Variants in GIT2 observed in about 807,000 individuals in gnomAD.
GIT2 encodes the protein ARF GTPase-activating protein GIT2.
A neutral mutation model predicts 100.3 loss-of-function variants in GIT2; 32 were observed. The observed-to-expected ratio is 0.32, with a 90% CI of 0.24 to 0.43. The LOEUF is 0.43. Ranked by LOEUF, GIT2 falls within the 20% of genes least tolerant of loss-of-function variation. The pLI is 1.00. For synonymous variants in GIT2, 353 were observed against 364.1 expected, an observed-to-expected ratio of 0.97 and a Z score of 0.35; for missense variants, 737 against 975.1, an observed-to-expected ratio of 0.76 and a Z score of 3.25.
chr12:109,972,002 G>GA lies in GIT2; in HGVS notation c.719-4500dup, dbSNP rs541168935. ...GAGCAAGACTATCTCAAAAAAAAGGGAAAAAAAAATATATATATATATATG... is the reference window on the plus strand; with the variant it reads ...GAGCAAGACTATCTCAAAAAAAAGGGAAAAAAAAAATATATATATATATATG... On this transcript the variant is annotated intron_variant, in intron 7 of 19. Transcript: ENST00000355312. 2.0e-3 allele frequency among the ~76,000 whole-genome samples: 276 copies of GA among 136,360 alleles called. 1 individual carries two copies. Among genetic ancestry groups the GA allele is most frequent in the South Asian group, 8.7e-3 (39 of 4,462 alleles). 89.5% of individuals were successfully genotyped at this position (136,360 alleles called of 152,430 possible). A position where few individuals can be genotyped will look rare whatever the true frequency, so the allele number is the denominator to read the frequency against.
At chr12:109,998,793 A>T (rs1018832558), upstream of GIT2, 2 of 152,118 alleles carry the variant, frequency 1.3e-5, no homozygotes, top group African/African-American at 4.8e-5. Flanking sequence ...ACATTTGGCA[A>T]TATCTGGAGA....
At position 109,983,624 on chromosome 12, in the gene GIT2, G is replaced by C. The variant is rs774272674; in HGVS notation, c.476C>G (p.Ala159Gly). Reference sequence around the variant, plus strand: ...TTTTCTTACAGGATGAAAGAAGTTGGCTTGTGCTCCTAAAGATAACAGTCT... The same window carrying C: ...TTTTCTTACAGGATGAAAGAAGTTGCCTTGTGCTCCTAAAGATAACAGTCT... ...CLRLLSLGAQANFFHPEKGNT... is the reference protein window; with the variant it reads ...CLRLLSLGAQGNFFHPEKGNT... Residue 159 changes from alanine (A) to glycine (G), a missense_variant, in exon 5 of 20, where the codon GCC (alanine) becomes GGC (glycine). Ala to Gly is a moderately conservative substitution (Grantham distance 60). Coordinates refer to ENST00000355312, the MANE Select transcript of GIT2 (RefSeq NM_057169.5). 13 of 1,610,702 alleles carry C rather than the reference G, an allele frequency of 8.1e-6. No individual in the cohort carries two copies. The highest frequency in any genetic ancestry group is 2.5e-6 in the Non-Finnish European group (3 of 1,177,074).
chr12:109,985,965 T>C (rs1887298644), intron 4 of GIT2, among the ~76,000 whole-genome samples: 2 of 151,216 alleles, frequency 1.3e-5, no homozygotes, highest in South Asian at 2.1e-4. Context: ...CTAGGGAGGT[T>C]GAGGGTGCAG....
chr12:109,996,394 T>G (rs1318970573), upstream of GIT2: 1 of 541,014 alleles, frequency 1.8e-6, no homozygotes, highest in East Asian at 3.4e-5. Flanking sequence ...GGAGGTGCCC[T>G]TCGGCGAGTG....
intron 16 of GIT2, chr12:109,942,709 A>G (rs1207458111): frequency 2.0e-5 from 3 of 152,240 alleles, no homozygotes; most frequent in African/African-American, 7.2e-5. Flanking sequence ...CTCAATGATG[A>G]AAAGTACCAA....
At chr12:109,985,215 A>T (rs138079846) in intron 4 of GIT2, among the ~76,000 whole-genome samples, 81 of 152,074 alleles carry the variant, frequency 5.3e-4, no homozygotes, top group African/African-American at 1.8e-3. Context: ...CAACCCTTCC[A>T]CCTCAGCCTC....
chr12:109,984,374 T>C (rs1439147527), intron 4 of GIT2, among the ~76,000 whole-genome samples: 1 of 150,926 alleles, frequency 6.6e-6, no homozygotes, highest in African/African-American at 2.4e-5. Flanking sequence ...ATCATGCCAC[T>C]GCACTCCAGC....
At chr12:109,938,806 T>C in intron 17 of GIT2, 1 of 520,428 alleles carries the variant, frequency 1.9e-6, no homozygotes, top group South Asian at 2.9e-5. Context: ...GGGAGGGAAA[T>C]ACCTGGAGCG....
chr12:109,983,326 C>G, intron 6 of GIT2, 47 bp downstream of exon 6: 4 of 1,587,546 alleles, frequency 2.5e-6, no homozygotes, highest in Non-Finnish European at 3.4e-6. Flanking sequence ...GAATCACACC[C>G]AACAAAAAAA....
At chr12:109,957,658 C>G (rs1033404016) in intron 12 of GIT2, among the ~76,000 whole-genome samples, 2 of 151,858 alleles carry the variant, frequency 1.3e-5, no homozygotes. Context: ...AGGCGTCTGC[C>G]ACCATGCCCA....
chr12:109,991,498 T>A (rs1888394646), intron 2 of GIT2, 129 bp downstream of exon 2: 7 of 696,970 alleles, frequency 1.0e-5, no homozygotes, highest in Non-Finnish European at 1.8e-5. Context: ...TTGATGGGCA[T>A]GCCATCTCTA....
rs73419536 is a variant in GIT2, at chr12:109,935,294, A to G, written c.2004-1209T>C. On this transcript the variant is annotated intron_variant, in intron 18 of 19. Coordinates refer to ENST00000355312, the MANE Select transcript of GIT2 (RefSeq NM_057169.5). ...CAACCTATCTGGTCACACAGATTTC[A>G]GAAAGAGAAAAAAGCAATGTCCACA... 2.7e-3 allele frequency among the ~76,000 whole-genome samples: 410 copies of G among 152,370 alleles called. 2 individuals carry two copies. The highest frequency in any genetic ancestry group is 9.5e-3 in the African/African-American group (393 of 41,584).
intron 1 of GIT2, among the ~76,000 whole-genome samples, chr12:109,995,298 A>G (rs1889135515): frequency 6.6e-6 from 1 of 152,226 alleles, no homozygotes; most frequent in Admixed American, 6.5e-5. Context: ...TAGCGTTTCA[A>G]TGCCCCTATA....
chr12:109,974,533 A>C (rs918095497), intron 7 of GIT2, among the ~76,000 whole-genome samples: 2 of 152,226 alleles, frequency 1.3e-5, no homozygotes, highest in Non-Finnish European at 2.9e-5. Context: ...TTCCAAAAAA[A>C]AGCAGCATGT....
chr12:109,999,532 C>T, upstream of GIT2: 2 of 422,402 alleles, frequency 4.7e-6, no homozygotes, highest in Non-Finnish European at 7.6e-6. This position sits in a 1 kb window ranked among gnomAD's most constrained non-coding sequence, Gnocchi z 4.3. Context: ...CCGGACCTCC[C>T]GCGCGCCCCG....
At chr12:109,975,468 C>T (rs1478871431) in intron 7 of GIT2, among the ~76,000 whole-genome samples, 1 of 152,156 alleles carries the variant, frequency 6.6e-6, no homozygotes, top group African/African-American at 2.4e-5. Flanking sequence ...TTGCTTCAGG[C>T]TCCCTGAAGT....
rs1876907983 is a variant in GIT2 at position 109,948,384 on chromosome 12, A to G, written c.1393-880T>C. The G allele has an allele frequency of 2.0e-6, 2 of 994,510 alleles. No individual in the cohort carries two copies. Among genetic ancestry groups the G allele is most frequent in the East Asian group, 2.2e-4 (2 of 9,202 alleles). The allele number at this position is 994,510 out of a possible 1,614,324, so 61.6% of individuals were successfully genotyped here. ...TGAACATGCTAATCTGCCTGGCACC[A>G]CCCCATTTTAGAGACTGTCACTTGG... On this transcript the variant is annotated intron_variant, in intron 14 of 19. Coordinates refer to ENST00000355312, the MANE Select transcript of GIT2 (RefSeq NM_057169.5). This position sits in a 1 kb window ranked among gnomAD's most constrained non-coding sequence, Gnocchi z 4.3.
rs1876841570 is a variant in GIT2, at chr12:109,948,139, AAAG to A, written c.1393-638_1393-636del. ...AGCACTTTGTAAAAAAAAAAAGAAA[AAAG>A]AGAAAACCGGATCATGGTAAGTTTG... On this transcript the variant is annotated intron_variant, in intron 14 of 19. Transcript: ENST00000355312. The surrounding 1 kb of genome is among the most constrained non-coding windows in gnomAD (Gnocchi z 4.3). 1 of 966,546 alleles carries A rather than the reference AAAG, an allele frequency of 1.0e-6. No individual in the cohort carries two copies. Among genetic ancestry groups the A allele is most frequent in the Non-Finnish European group, 1.2e-6 (1 of 812,856 alleles). The allele number at this position is 966,546 out of a possible 1,614,324, so 59.9% of individuals were successfully genotyped here. A position where few individuals can be genotyped will look rare whatever the true frequency, so the allele number is the denominator to read the frequency against.
Position 109,988,998 on chromosome 12 carries a change from C to T in GIT2, c.370G>A (p.Asp124Asn). 1 of 1,612,002 alleles carries T rather than the reference C, an allele frequency of 6.2e-7. No individual in the cohort carries two copies. Residue 124 changes from aspartate (D) to asparagine (N), a missense_variant, in exon 4 of 20, where the codon GAT (aspartate) becomes AAT (asparagine). Physicochemically the swap from Asp to Asn is conservative, Grantham distance 23. Around this residue, in one of 3 missense-constraint regions of GIT2, gnomAD observed 266 missense variants for 376.2 expected, o/e 0.71. Transcript: ENST00000355312. ...LAFVHRLPCR[D>N]DDSVTAKDLS... is the part of the protein sequence containing the mutation. ...TCTTTGGCAGTCACACTATCGTCAT[C>T]CCGGCAGGGCAAGCGATGGACGAAC... is the stretch of plus-strand genomic sequence containing the variant.
Sources: gnomAD v4.1 joint callset for allele counts (sites outside exome capture counted in the v4.1 genomes callset) on GRCh38, gnomAD v4.1.1 for gene constraint, gnomAD v4.1.1 regional missense constraint, Gnocchi (gnomAD v3.1) non-coding constraint, MANE v1.5 for transcripts, NCBI Gene and HGNC (gene_info 2026-07-23, HGNC 2026-07-21) for gene names.